Variants in ATXN10 observed in about 807,000 individuals in gnomAD.
The protein encoded by ATXN10 is ataxin 10, also known as ataxin-10.
Under a neutral mutation model 52.9 loss-of-function variants are expected in ATXN10, and 28 were observed. The ratio of observed to expected loss-of-function variants is 0.53; its 90% CI spans 0.39 to 0.73. ATXN10 has a LOEUF of 0.73. Among genes scored for constraint, ATXN10 ranks in the 30% least tolerant of loss-of-function variants. The pLI is 0.00. For missense variants in ATXN10, 565 were observed against 577.0 expected (o/e 0.98, Z 0.21); for synonymous variants, 226 against 221.5 (o/e 1.02, Z -0.18).
chr22:45,771,893 A>G (rs1926793272), intron 9 of ATXN10, among the ~76,000 whole-genome samples: 1 of 152,058 alleles, frequency 6.6e-6, no homozygotes, highest in African/African-American at 2.4e-5. Context: ...TGAGGAGCTG[A>G]GCCTACAGGT....
In ATXN10 at chr22:45,740,661, A is replaced by G. The variant is rs891192576; in HGVS notation, c.1173+123A>G. On this transcript the variant is annotated intron_variant, in intron 9 of 11. Coordinates refer to ENST00000252934, the MANE Select transcript of ATXN10 (RefSeq NM_013236.4). ...CTTAGAAAGTAGCTTGGATAGAGAG[A>G]TATATATTTTATATGAATACACACA... is the stretch of plus-strand genomic sequence containing the variant. 4.2e-5 allele frequency: 31 copies of G among 734,054 alleles called. No homozygotes were observed. The Admixed American group carries it at 4.9e-4, about 12-fold the overall frequency. The allele number at this position is 734,054 out of a possible 1,614,324, so 45.5% of individuals were successfully genotyped here. A position where few individuals can be genotyped will look rare whatever the true frequency, so the allele number is the denominator to read the frequency against.
chr22:45,781,381 C>A lies in ATXN10; in HGVS notation c.1174-25578C>A, dbSNP rs572834806. On this transcript the variant is annotated intron_variant, in intron 9 of 11. Transcript: ENST00000252934. The surrounding 1 kb of genome is among the most constrained non-coding windows in gnomAD (Gnocchi z 4.2). ...CCAGCTCTGCCCAGCAGTAGTGAGG[C>A]ACCCCTCTCTCCCCGGGTGTCAAAG... 7.9e-5 allele frequency among the ~76,000 whole-genome samples: 12 copies of A among 152,262 alleles called. No homozygotes were observed. The highest frequency in any genetic ancestry group is 7.2e-4 in the Admixed American group (11 of 15,296).
At chr22:45,776,613 A>G (rs1029021579) in intron 9 of ATXN10, among the ~76,000 whole-genome samples, 13 of 152,070 alleles carry the variant, frequency 8.5e-5, no homozygotes, top group Non-Finnish European at 1.3e-4. Flanking sequence ...GGAAGCCTGC[A>G]TGGCTCAGCT....
chr22:45,672,238 G>C, intron 1 of ATXN10, 59 bp downstream of exon 1: 1 of 1,423,438 alleles, frequency 7.0e-7, no homozygotes, highest in Non-Finnish European at 9.2e-7. Context: ...GACTCCCGCG[G>C]CGGCCCCGGC....
chr22:45,753,037 C>T (rs1289944258), intron 9 of ATXN10, among the ~76,000 whole-genome samples: 1 of 151,994 alleles, frequency 6.6e-6, no homozygotes, highest in African/African-American at 2.4e-5. Flanking sequence ...CCCGGCTGAT[C>T]AACTTATTTT....
intron 9 of ATXN10, among the ~76,000 whole-genome samples, chr22:45,761,988 C>T (rs1347414338): frequency 6.6e-6 from 1 of 152,192 alleles, no homozygotes; most frequent in East Asian, 1.9e-4. Flanking sequence ...CCATATTCGC[C>T]TTTAAGAGCC....
In ATXN10 at chr22:45,684,391, AGC is replaced by A. The variant is rs1479906548; in HGVS notation, c.117-5320_117-5319del. 1.3e-5 allele frequency among the ~76,000 whole-genome samples: 2 copies of A among 152,154 alleles called. No homozygotes were observed. Among genetic ancestry groups the A allele is most frequent in the Admixed American group, 6.5e-5 (1 of 15,270 alleles). On this transcript the variant is annotated intron_variant, in intron 1 of 11. Coordinates refer to ENST00000252934, the MANE Select transcript of ATXN10 (RefSeq NM_013236.4). The surrounding 1 kb of genome is among the most constrained non-coding windows in gnomAD (Gnocchi z 4.1). The stretch of plus-strand genomic sequence containing the variant: ...GACTGGTATGTTTGGAGCCCTTTAA[AGC>A]AGGGGTTGCCAGACCATGGCCAGAT...
At position 45,823,674 on chromosome 22, in the gene ATXN10, C is replaced by T. The variant is rs945070526; in HGVS notation, c.1237+16652C>T. Among the ~76,000 whole-genome samples, 2 of 152,088 alleles carry T rather than the reference C, an allele frequency of 1.3e-5. No homozygotes were observed. Among genetic ancestry groups the T allele is most frequent in the Non-Finnish European group, 1.5e-5 (1 of 68,002 alleles). On this transcript the variant is annotated intron_variant, in intron 10 of 11. Transcript: ENST00000252934. The surrounding 1 kb of genome is among the most constrained non-coding windows in gnomAD (Gnocchi z 4.9). The stretch of plus-strand genomic sequence containing the variant: ...GTTAACCAACTTTTCATATATTATC[C>T]TTCTTATATGTTGCTGGATTCAGTC...
intron 10 of ATXN10, among the ~76,000 whole-genome samples, chr22:45,812,993 G>A (rs139069927): frequency 6.6e-6 from 1 of 152,184 alleles, no homozygotes; most frequent in Non-Finnish European, 1.5e-5. Context: ...GAGACCACCA[G>A]GGATTTCCAA....
At chr22:45,685,222 A>AATT (rs1042455119) in intron 1 of ATXN10, among the ~76,000 whole-genome samples, 4 of 152,152 alleles carry the variant, frequency 2.6e-5, no homozygotes, top group African/African-American at 9.7e-5. Flanking sequence ...ATTTTACTCA[A>AATT]ACAGAACTTG....
intron 9 of ATXN10, among the ~76,000 whole-genome samples, chr22:45,741,584 G>C (rs1244035522): frequency 6.6e-6 from 1 of 152,050 alleles, no homozygotes; most frequent in Non-Finnish European, 1.5e-5. Flanking sequence ...TCCATCCTCA[G>C]TTTCTTACTT....
At chr22:45,686,819 A>T (rs1361174998) in intron 1 of ATXN10, among the ~76,000 whole-genome samples, 1 of 6,842 alleles carries the variant, frequency 1.5e-4, no homozygotes, top group Non-Finnish European at 2.1e-4. Flanking sequence ...ACTCCATCTC[A>T]AAAAAAAAAA....
rs1209240823 is a variant in ATXN10 at position 45,671,987 on chromosome 22, C to T, written c.-77C>T. On this transcript the variant is annotated 5_prime_UTR_variant, in exon 1 of 12. Transcript: ENST00000252934. ...CTTCCTCCTCGCCATCCTACTCCTC[C>T]CTCCTCGTCATCCTCCCCCTTCGTC... 1 of 1,478,816 alleles carries T rather than the reference C, an allele frequency of 6.8e-7. No homozygotes were observed. Among genetic ancestry groups the T allele is most frequent in the Non-Finnish European group, 9.1e-7 (1 of 1,100,110 alleles). 91.6% of individuals were successfully genotyped at this position (1,478,816 alleles called of 1,614,324 possible).
chr22:45,737,644 G>C (rs1454505098), intron 7 of ATXN10, among the ~76,000 whole-genome samples: 2 of 148,138 alleles, frequency 1.4e-5, no homozygotes, highest in Non-Finnish European at 3.0e-5. Flanking sequence ...TACACATTTA[G>C]AACTAACAAG....
At chr22:45,807,875 C>G (rs1393049145) in intron 10 of ATXN10, among the ~76,000 whole-genome samples, 1 of 152,004 alleles carries the variant, frequency 6.6e-6, no homozygotes, top group African/African-American at 2.4e-5. Context: ...GGAGCCTAGC[C>G]TAGCATTGAG....
rs1488533658 is a variant in ATXN10, at chr22:45,740,470, G to A, written c.1105G>A (p.Gly369Arg). The A allele has an allele frequency of 6.2e-7, 1 of 1,613,842 alleles. No homozygotes were observed. Among genetic ancestry groups the A allele is most frequent in the Admixed American group, 1.7e-5 (1 of 59,992 alleles). Residue 369 changes from glycine to arginine, a missense_variant, in exon 9 of 12, where the codon GGG (glycine) becomes AGG (arginine). Coordinates refer to ENST00000252934, the MANE Select transcript of ATXN10 (RefSeq NM_013236.4). ...AGGTGACATCTCCAATGTGGCCAATGGGTTTAAGTCTCATCTCATTCGTCT... is the reference window on the plus strand; with the variant it reads ...AGGTGACATCTCCAATGTGGCCAATAGGTTTAAGTCTCATCTCATTCGTCT... Reference protein sequence around the residue: ...AEGDISNVANGFKSHLIRLIG... With the variant: ...AEGDISNVANRFKSHLIRLIG...
chr22:45,714,426 G>T (rs1300295465), intron 5 of ATXN10, among the ~76,000 whole-genome samples: 1 of 151,850 alleles, frequency 6.6e-6, no homozygotes, highest in Non-Finnish European at 1.5e-5. Flanking sequence ...TGTCACTCAG[G>T]CTGGAGTGCA....
chr22:45,713,268 G>C (rs755248205), intron 5 of ATXN10, among the ~76,000 whole-genome samples: 1 of 152,026 alleles, frequency 6.6e-6, no homozygotes, highest in Non-Finnish European at 1.5e-5. Context: ...AACTGTTCAC[G>C]TACTTTAAAA....
intron 8 of ATXN10, 104 bp from the exon 9 acceptor site, chr22:45,740,265 T>G: frequency 8.9e-7 from 1 of 1,118,036 alleles, no homozygotes. Flanking sequence ...GTGCTCTACC[T>G]TTAGCCTATT....
Sources: allele counts gnomAD v4.1 joint callset (sites outside exome capture counted in the v4.1 genomes callset), GRCh38; gene constraint gnomAD v4.1.1; non-coding constraint Gnocchi (gnomAD v3.1); transcripts MANE v1.5; gene names NCBI Gene and HGNC (gene_info 2026-07-23, HGNC 2026-07-21).